The following CNTN4 variants were observed in gnomAD, a reference collection of about 807,000 sequenced individuals.
CNTN4 encodes the protein contactin-4.
In CNTN4, 77 loss-of-function variants were observed where a neutral mutation model predicts 122.5. That is an observed-to-expected ratio of 0.63 (90% CI 0.52 to 0.76). CNTN4 has a LOEUF of 0.76. Among genes scored for constraint, CNTN4 ranks in the 30% least tolerant of loss-of-function variants. The pLI, the probability that CNTN4 is intolerant of heterozygous loss-of-function variation, is 0.00. For synonymous variants in CNTN4, 512 were observed against 447.0 expected (o/e 1.15, Z -1.83); for missense variants, 1,256 against 1,259.1 (o/e 1.00, Z 0.04).
intron 3 of CNTN4, among the ~76,000 whole-genome samples, chr3:2,400,678 A>G (rs1158811769): frequency 2.7e-5 from 4 of 150,646 alleles, no homozygotes; most frequent in Non-Finnish European, 5.9e-5. Flanking sequence ...TGCAAAAGCC[A>G]TGACTATTAT....
At chr3:2,159,724 C>T (rs774850743) in intron 2 of CNTN4, among the ~76,000 whole-genome samples, 113 of 151,816 alleles carry the variant, frequency 7.4e-4, no homozygotes, top group Non-Finnish European at 1.3e-3. Flanking sequence ...TATAAGCAGC[C>T]GTTAACACAT....
chr3:2,472,491 G>A (rs1295828350), intron 3 of CNTN4, among the ~76,000 whole-genome samples: 27 of 152,150 alleles, frequency 1.8e-4, no homozygotes, highest in African/African-American at 5.1e-4. Context: ...CACCTGCCTC[G>A]GCGTCCCAAA....
chr3:2,409,960 A>G (rs954847043), intron 3 of CNTN4, among the ~76,000 whole-genome samples: 4 of 152,178 alleles, frequency 2.6e-5, no homozygotes, highest in African/African-American at 9.7e-5. Flanking sequence ...TGTCACCACT[A>G]AGAAAAGATT....
chr3:2,621,152 C>T (rs1028203595), intron 4 of CNTN4, among the ~76,000 whole-genome samples: 5 of 89,352 alleles, frequency 5.6e-5, no homozygotes, highest in Admixed American at 1.1e-4. Flanking sequence ...TCTCAGTTAA[C>T]GTTAAGCACC....
At chr3:2,166,169 A>G (rs2036184655) in intron 2 of CNTN4, among the ~76,000 whole-genome samples, 1 of 152,070 alleles carries the variant, frequency 6.6e-6, no homozygotes, top group South Asian at 2.1e-4. Flanking sequence ...CATAATGTCA[A>G]TTTATATCCC....
At chr3:2,275,722 C>A (rs142513729) in intron 2 of CNTN4, among the ~76,000 whole-genome samples, 1 of 151,740 alleles carries the variant, frequency 6.6e-6, no homozygotes, top group African/African-American at 2.4e-5. Context: ...GCATTTGAGA[C>A]CAGCCTGGCC....
chr3:2,375,965 A>C (rs897161385), intron 3 of CNTN4, among the ~76,000 whole-genome samples: 1 of 152,006 alleles, frequency 6.6e-6, no homozygotes, highest in Non-Finnish European at 1.5e-5. Context: ...CTTTCAGCTT[A>C]ATGGTTGATA....
At chr3:2,398,410 T>C (rs1490421739) in intron 3 of CNTN4, among the ~76,000 whole-genome samples, 1 of 152,158 alleles carries the variant, frequency 6.6e-6, no homozygotes, top group Non-Finnish European at 1.5e-5. Context: ...AATTTTTTCA[T>C]GTTTAATATG....
chr3:2,672,648 T>C (rs1054305060), intron 4 of CNTN4, among the ~76,000 whole-genome samples: 4 of 152,218 alleles, frequency 2.6e-5, no homozygotes, highest in Admixed American at 6.5e-5. Context: ...ATGTACCTGG[T>C]ACCTCAGTTG....
At chr3:2,549,263 T>A (rs1255844598) in intron 3 of CNTN4, among the ~76,000 whole-genome samples, 1 of 152,178 alleles carries the variant, frequency 6.6e-6, no homozygotes. Context: ...AAGAGAGGCA[T>A]CCTTGTCTTG....
At chr3:2,840,443 G>C (rs2093330920) in intron 7 of CNTN4, among the ~76,000 whole-genome samples, 1 of 151,218 alleles carries the variant, frequency 6.6e-6, no homozygotes, top group Non-Finnish European at 1.5e-5. Flanking sequence ...GCTCACGCCT[G>C]TCATCCCAGC....
rs1024521150 is a variant in CNTN4, at chr3:2,988,218, G to T, written c.1359-127G>T. 18 of 861,614 alleles carry T rather than the reference G, an allele frequency of 2.1e-5. No homozygotes were observed. The African/African-American group carries it at 2.8e-4, about 13-fold the overall frequency. 53.4% of individuals were successfully genotyped at this position (861,614 alleles called of 1,614,324 possible). On this transcript the variant is annotated intron_variant, in intron 13 of 24. Coordinates refer to ENST00000418658, the MANE Select transcript of CNTN4 (RefSeq NM_175607.3). Reference sequence around the variant, plus strand: ...AAATACCCTAAATAAAGATGAGGCTGTCATCTTTACTACAAATAATGTAGC... The same window carrying T: ...AAATACCCTAAATAAAGATGAGGCTTTCATCTTTACTACAAATAATGTAGC...
intron 3 of CNTN4, among the ~76,000 whole-genome samples, chr3:2,507,683 C>T (rs561381994): frequency 2.5e-4 from 37 of 148,008 alleles, no homozygotes; most frequent in Non-Finnish European, 4.3e-4. Context: ...TGCAGTGAGC[C>T]GAGATTGCAC....
intron 3 of CNTN4, among the ~76,000 whole-genome samples, chr3:2,352,894 C>T (rs1559478921): frequency 1.3e-5 from 2 of 152,146 alleles, no homozygotes; most frequent in Admixed American, 6.5e-5. Context: ...ATGCACCAGT[C>T]AGCACTCTGT....
intron 2 of CNTN4, among the ~76,000 whole-genome samples, chr3:2,188,367 G>C (rs73098025): frequency 0.025 from 3,779 of 152,226 alleles, 150 homozygotes; most frequent in African/African-American, 0.087. Flanking sequence ...TGTCCAAGTT[G>C]CTTCCTCATC....
At chr3:3,031,103 C>A in intron 16 of CNTN4, 128 bp downstream of exon 16, 1 of 1,178,564 alleles carries the variant, frequency 8.5e-7, no homozygotes, top group Non-Finnish European at 1.2e-6. Context: ...ACATTGTAAA[C>A]AGTGGCTAAC....
chr3:2,625,503 T>C (rs1315107312), intron 4 of CNTN4, among the ~76,000 whole-genome samples: 1 of 152,204 alleles, frequency 6.6e-6, no homozygotes, highest in Non-Finnish European at 1.5e-5. Context: ...AGTGTAACCA[T>C]GATCCTGAAA....
chr3:2,453,591 G>A (rs2048904735), intron 3 of CNTN4, among the ~76,000 whole-genome samples: 1 of 152,042 alleles, frequency 6.6e-6, no homozygotes, highest in South Asian at 2.1e-4. Context: ...CTTTTCAGAG[G>A]CACGGCTTCA....
intron 12 of CNTN4, among the ~76,000 whole-genome samples, chr3:2,914,303 T>G (rs1445299964): frequency 1.3e-5 from 2 of 151,932 alleles, no homozygotes; most frequent in African/African-American, 4.8e-5. Flanking sequence ...TAATATATAT[T>G]AGAGCAGAGA....
Sources: gnomAD v4.1 joint callset for allele counts (sites outside exome capture counted in the v4.1 genomes callset) on GRCh38, gnomAD v4.1.1 for gene constraint, MANE v1.5 for transcripts, NCBI Gene and HGNC (gene_info 2026-07-23, HGNC 2026-07-21) for gene names.